Variants in VWA8 observed in about 807,000 individuals in gnomAD.
The protein encoded by VWA8 is von Willebrand factor A domain-containing protein 8.
Under a neutral mutation model 241.5 loss-of-function variants are expected in VWA8, and 221 were observed. The ratio of observed to expected loss-of-function variants is 0.91; its 90% confidence interval spans 0.82 to 1.02. The LOEUF is 1.02. VWA8 is among the 50% of genes least tolerant of loss of function. The pLI is 0.00. For synonymous variants in VWA8, 852 were observed against 827.1 expected (o/e 1.03, Z -0.52); for missense variants, 2,322 against 2,328.7 (o/e 1.00, Z 0.06).
intron 14 of VWA8, among the ~76,000 whole-genome samples, chr13:41,827,266 A>G (rs1166917378): frequency 1.3e-5 from 2 of 152,244 alleles, no homozygotes; most frequent in African/African-American, 2.4e-5. Context: ...AAATTATTAT[A>G]TAACTCTTTA....
In VWA8 at chr13:41,729,593, G is replaced by A. The variant is rs9566833; in HGVS notation, c.2587C>T (p.Leu863=). The A allele has an allele frequency of 1.2e-6, 2 of 1,612,970 alleles. No homozygotes were observed. The highest frequency in any genetic ancestry group is 2.2e-5 in the South Asian group (2 of 90,906). The change falls in exon 23 of 45, where the codon CTA becomes TTA. Residue 863 remains leucine (L), a synonymous_variant. Transcript: ENST00000379310. ...PTNVTCILKT[L]VENGEMILAD... ...AGAATCATTTCTCCATTTTCTACTA[G>A]AGTTTTTAAAATACACGTGACATTT...
chr13:41,845,875 G>A (rs1478749673), intron 12 of VWA8, among the ~76,000 whole-genome samples: 1 of 152,026 alleles, frequency 6.6e-6, no homozygotes, highest in Non-Finnish European at 1.5e-5. Context: ...AATAACTGTT[G>A]GGTACTATGC....
At chr13:41,829,974 G>A (rs1394359941) in intron 14 of VWA8, among the ~76,000 whole-genome samples, 1 of 152,166 alleles carries the variant, frequency 6.6e-6, no homozygotes, top group African/African-American at 2.4e-5. Flanking sequence ...CGGGCACAGT[G>A]GCTCACGCCT....
intron 21 of VWA8, among the ~76,000 whole-genome samples, chr13:41,734,988 A>C (rs2045513895): frequency 6.6e-6 from 1 of 152,232 alleles, no homozygotes; most frequent in Admixed American, 6.5e-5. Context: ...TTATAAACTT[A>C]CTGCAGGGCA....
intron 12 of VWA8, among the ~76,000 whole-genome samples, chr13:41,858,373 A>C (rs1461329966): frequency 1.3e-5 from 2 of 152,202 alleles, no homozygotes; most frequent in African/African-American, 4.8e-5. Context: ...TAGGAGGCCA[A>C]GGTGGGGGGA....
intron 26 of VWA8, among the ~76,000 whole-genome samples, chr13:41,706,160 CA>C (rs2045281322): frequency 6.6e-6 from 1 of 152,170 alleles, no homozygotes; most frequent in South Asian, 2.1e-4. Context: ...TAACTTTGCT[CA>C]ACTTTCAGAT....
intron 35 of VWA8, among the ~76,000 whole-genome samples, chr13:41,680,702 C>T (rs1444210683): frequency 6.6e-6 from 1 of 152,026 alleles, no homozygotes; most frequent in African/African-American, 2.4e-5. Context: ...GACCAGGATC[C>T]CCTTTATGCT....
chr13:41,646,799 A>G (rs186367803), intron 37 of VWA8, among the ~76,000 whole-genome samples: 28 of 152,364 alleles, frequency 1.8e-4, no homozygotes, highest in African/African-American at 6.7e-4. Context: ...TATCTTTCAG[A>G]AGGTTAGTAA....
intron 17 of VWA8, among the ~76,000 whole-genome samples, chr13:41,791,511 T>C (rs1869461484): frequency 6.6e-6 from 1 of 151,988 alleles, no homozygotes; most frequent in South Asian, 2.1e-4. Context: ...TCTCTCTCCA[T>C]CTCTAGAGAG....
chr13:41,889,611 T>G (rs1298516535), intron 5 of VWA8, among the ~76,000 whole-genome samples: 1 of 152,132 alleles, frequency 6.6e-6, no homozygotes, highest in Non-Finnish European at 1.5e-5. Context: ...ACTCCTGACC[T>G]CAGGTGATCT....
At chr13:41,725,028 A>G (rs1016089663) in intron 24 of VWA8, among the ~76,000 whole-genome samples, 4 of 152,082 alleles carry the variant, frequency 2.6e-5, no homozygotes, top group African/African-American at 9.7e-5. Flanking sequence ...TCAGCTGCAC[A>G]TGTGTAGGTT....
At chr13:41,618,898 A>C (rs189761366) in intron 37 of VWA8, among the ~76,000 whole-genome samples, 2,599 of 152,234 alleles carry the variant, frequency 0.017, 29 homozygotes, top group Non-Finnish European at 0.027. Context: ...AGTTTGAAGT[A>C]AGGTAGCGTG....
At chr13:41,801,072 T>C (rs1326067280) in intron 17 of VWA8, among the ~76,000 whole-genome samples, 1 of 152,066 alleles carries the variant, frequency 6.6e-6, no homozygotes, top group Non-Finnish European at 1.5e-5. Flanking sequence ...CTCATATGCT[T>C]TATATTTCTC....
In VWA8 at chr13:41,846,144, T is replaced by C. The variant is rs7990591; in HGVS notation, c.1426-12613A>G. ...ACCACAGTGTTGAATTCCTGAGCTC[T>C]AGTGATCCATCCGCCCAAGTAGGTG... is the stretch of plus-strand genomic sequence containing the variant. On this transcript the variant is annotated intron_variant, in intron 12 of 44. Coordinates refer to ENST00000379310, the MANE Select transcript of VWA8 (RefSeq NM_015058.2). Among the ~76,000 whole-genome samples the C allele has an allele frequency of 3.2e-3, 488 of 152,228 alleles. 4 individuals carry two copies. The highest frequency in any genetic ancestry group is 0.011 in the African/African-American group (465 of 41,540).
In VWA8 at chr13:41,912,119, C is replaced by T. The variant is rs1486053748; in HGVS notation, c.291G>A (p.Met97Ile). The T allele has an allele frequency of 6.2e-7, 1 of 1,610,322 alleles. No individual in the cohort carries two copies. Among genetic ancestry groups the T allele is most frequent in the East Asian group, 2.2e-5 (1 of 44,776 alleles). ...QSVVQHLRWI[M>I]QKDLLGQDVF... Reference sequence around the variant, plus strand: ...CATCTTGCCCCAAAAGATCCTTCTGCATTATCCATCTTAGATGCTGAACTA... The same window carrying T: ...CATCTTGCCCCAAAAGATCCTTCTGTATTATCCATCTTAGATGCTGAACTA... The change falls in exon 3 of 45, where the codon ATG (methionine) becomes ATA (isoleucine). Residue 97 changes from methionine (M) to isoleucine (I), a missense_variant. Physicochemically the swap from Met to Ile is conservative, Grantham distance 10. Transcript: ENST00000379310.
At chr13:41,786,814 C>A (rs1307052021) in intron 18 of VWA8, among the ~76,000 whole-genome samples, 1 of 151,986 alleles carries the variant, frequency 6.6e-6, no homozygotes, top group African/African-American at 2.4e-5. Context: ...TAGGTATTTA[C>A]ATTTTTAAAA....
chr13:41,720,610 T>A (rs1876216067), intron 25 of VWA8, among the ~76,000 whole-genome samples: 1 of 152,126 alleles, frequency 6.6e-6, no homozygotes, highest in African/African-American at 2.4e-5. Context: ...TAACTATAGT[T>A]ACCAGGCTGT....
chr13:41,623,090 T>C (rs1484228455), intron 37 of VWA8, among the ~76,000 whole-genome samples: 1 of 152,170 alleles, frequency 6.6e-6, no homozygotes, highest in Non-Finnish European at 1.5e-5. Flanking sequence ...AGGATGCTTC[T>C]AGGAAGCCTT....
intron 4 of VWA8, among the ~76,000 whole-genome samples, chr13:41,906,512 C>T (rs1398532516): frequency 6.6e-6 from 1 of 152,040 alleles, no homozygotes; most frequent in South Asian, 2.1e-4. Flanking sequence ...CACATCTTTC[C>T]TATCAGTACG....
Sources: gnomAD v4.1 joint callset for allele counts (sites outside exome capture counted in the v4.1 genomes callset) on GRCh38, gnomAD v4.1.1 for gene constraint, MANE v1.5 for transcripts, NCBI Gene and HGNC (gene_info 2026-07-23, HGNC 2026-07-21) for gene names.